CELF2: variants seen among roughly 807,000 people sequenced by gnomAD.
The protein encoded by CELF2 is CUGBP Elav-like family member 2.
In CELF2, 8 loss-of-function variants were observed where a neutral mutation model predicts 62.6. The observed-to-expected ratio is 0.13, with a 90% CI of 0.07 to 0.23. The LOEUF (loss-of-function observed/expected upper bound fraction) is 0.23, where lower values mean the gene tolerates loss of function less well. Among genes scored for constraint, CELF2 ranks in the 10% least tolerant of loss-of-function variants. The pLI is 1.00. For missense variants in CELF2, 333 were observed against 671.0 expected (o/e 0.50, Z 5.56); for synonymous variants, 258 against 250.0 (o/e 1.03, Z -0.30).
chr10:10,517,385 G>A, the CELF2 span, among the ~76,000 whole-genome samples: 1 of 152,090 alleles, frequency 6.6e-6, no homozygotes, highest in Non-Finnish European at 1.5e-5. Context: ...TAAGAATTCT[G>A]ATTACAAGGG....
At chr10:11,190,014 C>T (rs2075932893) in intron 2 of CELF2, among the ~76,000 whole-genome samples, 1 of 152,180 alleles carries the variant, frequency 6.6e-6, no homozygotes, top group Non-Finnish European at 1.5e-5. Context: ...TCAGGTTCTC[C>T]ATTTCCTGCA....
Position 11,280,675 on chromosome 10 carries a change from GGGATGTCCATGGGGCA to G in CELF2, c.841+5561_841+5576del, listed in dbSNP as rs1186337319. Among the ~76,000 whole-genome samples, 1 of 152,228 alleles carries G rather than the reference GGGATGTCCATGGGGCA, an allele frequency of 6.6e-6. No individual in the cohort carries two copies. Among genetic ancestry groups the G allele is most frequent in the Non-Finnish European group, 1.5e-5 (1 of 68,042 alleles). On this transcript the variant is annotated intron_variant, in intron 8 of 12. Transcript: ENST00000633077. This position sits in a 1 kb window ranked among gnomAD's most constrained non-coding sequence, Gnocchi z 7.6. ...AGCACCTAGAAGATCGGTAGGTGCA[GGGATGTCCATGGGGCA>G]GGATGGACAGAGGACACATGGGCCA...
chr10:10,493,068 C>T, the CELF2 span, among the ~76,000 whole-genome samples: 1 of 152,148 alleles, frequency 6.6e-6, no homozygotes, highest in South Asian at 2.1e-4. Context: ...TCTTTATTAG[C>T]AGCATGAGAA....
chr10:11,040,151 G>A (rs1232149233), intron 1 of CELF2, among the ~76,000 whole-genome samples: 1 of 152,142 alleles, frequency 6.6e-6, no homozygotes, highest in Non-Finnish European at 1.5e-5. Flanking sequence ...AGAATTCTCA[G>A]GGCAGTCCAA....
intron 2 of CELF2, chr10:10,952,236 A>C (rs2048397247): frequency 6.6e-6 from 1 of 152,246 alleles, no homozygotes; most frequent in Non-Finnish European, 1.5e-5. Context: ...CGTCACAACA[A>C]ACTCATTATC....
intron 1 of CELF2, among the ~76,000 whole-genome samples, chr10:11,023,195 GGAAACTACTAAT>G (rs1173883483): frequency 6.6e-6 from 1 of 152,144 alleles, no homozygotes; most frequent in Non-Finnish European, 1.5e-5. Flanking sequence ...GGGAGGGTTT[GGAAACTACTAAT>G]GATTTCCAGT....
At chr10:10,882,317 G>T (rs2061490338) in intron 1 of CELF2, among the ~76,000 whole-genome samples, 1 of 152,228 alleles carries the variant, frequency 6.6e-6, no homozygotes, top group East Asian at 1.9e-4. Flanking sequence ...AATCCCCGGA[G>T]TGGCCTCCTC....
chr10:10,681,558 C>A, the CELF2 span, among the ~76,000 whole-genome samples: 40,615 of 151,926 alleles, frequency 0.27, 5,612 homozygotes, highest in South Asian at 0.47. Context: ...TTATTGGTCC[C>A]CAGTGAAATT....
intron 2 of CELF2, among the ~76,000 whole-genome samples, chr10:10,954,752 A>G (rs905641882): frequency 2.0e-5 from 3 of 152,250 alleles, no homozygotes; most frequent in Non-Finnish European, 2.9e-5. Context: ...CATCAATTCA[A>G]TGGAATACTA....
At chr10:11,056,044 A>G (rs1287626802) in intron 1 of CELF2, among the ~76,000 whole-genome samples, 2 of 152,236 alleles carry the variant, frequency 1.3e-5, no homozygotes, top group Non-Finnish European at 2.9e-5. Context: ...GTTTTAAACA[A>G]TTGGTTTCAG....
chr10:10,491,464 G>C, the CELF2 span, among the ~76,000 whole-genome samples: 1 of 152,116 alleles, frequency 6.6e-6, no homozygotes, highest in Non-Finnish European at 1.5e-5. Context: ...CATTCTAATT[G>C]TTCTTACAAA....
intron 2 of CELF2, among the ~76,000 whole-genome samples, chr10:11,198,525 G>A (rs2058505305): frequency 6.6e-6 from 1 of 152,212 alleles, no homozygotes; most frequent in Non-Finnish European, 1.5e-5. Context: ...GTACTCATCT[G>A]AACATAGGTA....
chr10:11,186,206 C>T (rs1287566759), intron 2 of CELF2, among the ~76,000 whole-genome samples: 1 of 151,718 alleles, frequency 6.6e-6, no homozygotes, highest in Non-Finnish European at 1.5e-5. Flanking sequence ...ACTCCTGGTA[C>T]TGTTAATTTG....
intron 8 of CELF2, among the ~76,000 whole-genome samples, chr10:11,286,372 A>G (rs905793711): frequency 3.3e-5 from 5 of 152,234 alleles, no homozygotes; most frequent in Admixed American, 1.3e-4. Context: ...GTGCTCAGCC[A>G]TATGTTGGTG....
At chr10:11,213,609 G>A (rs1035058859) in intron 2 of CELF2, among the ~76,000 whole-genome samples, 2 of 152,180 alleles carry the variant, frequency 1.3e-5, no homozygotes, top group Non-Finnish European at 2.9e-5. Context: ...TTTTACAGGA[G>A]CATATTAAGT....
chr10:11,043,886 C>T lies in CELF2; in HGVS notation c.74+25723C>T, dbSNP rs182122437. ...AAGCAAGCCAGCGTCCTTAAAATAT[C>T]CCACAGCCACAGACCGCCTGCCGCT... On this transcript the variant is annotated intron_variant, in intron 1 of 12. Transcript: ENST00000633077. 1.6e-3 allele frequency among the ~76,000 whole-genome samples: 242 copies of T among 152,312 alleles called. 1 individual carries two copies. Among genetic ancestry groups the T allele is most frequent in the African/African-American group, 5.6e-3 (232 of 41,570 alleles).
chr10:10,804,194 T>C (rs1276796984), intron 1 of CELF2, among the ~76,000 whole-genome samples: 4 of 152,252 alleles, frequency 2.6e-5, no homozygotes, highest in Non-Finnish European at 5.9e-5. Flanking sequence ...AAGGGCCAGA[T>C]GATGAATATT....
the CELF2 span, among the ~76,000 whole-genome samples, chr10:10,497,191 TAAA>T: frequency 2.1e-5 from 2 of 94,148 alleles, no homozygotes; most frequent in African/African-American, 4.2e-5. Flanking sequence ...AGACTCCATC[TAAA>T]AAAAAAAAAA....
chr10:11,035,536 G>A (rs2060810398), intron 1 of CELF2, among the ~76,000 whole-genome samples: 1 of 152,186 alleles, frequency 6.6e-6, no homozygotes, highest in Non-Finnish European at 1.5e-5. Context: ...TTCTAACACT[G>A]CCCTTTGTGA....
Sources: gnomAD v4.1 joint callset for allele counts (sites outside exome capture counted in the v4.1 genomes callset) on GRCh38, gnomAD v4.1.1 for gene constraint, Gnocchi (gnomAD v3.1) non-coding constraint, MANE v1.5 for transcripts, NCBI Gene and HGNC (gene_info 2026-07-23, HGNC 2026-07-21) for gene names.